MACROD2: variants seen among roughly 807,000 people sequenced by gnomAD.
MACROD2 encodes the protein mono-ADP ribosylhydrolase 2.
A neutral mutation model predicts 70.4 loss-of-function variants in MACROD2; 36 were observed. The ratio of observed to expected loss-of-function variants is 0.51; its 90% confidence interval spans 0.39 to 0.68. The LOEUF is 0.68. MACROD2 is among the 30% of genes least tolerant of loss of function. The probability of loss-of-function intolerance (pLI) is 0.00; values close to 1 mark genes in which losing one functional copy is unlikely to be tolerated. For synonymous variants in MACROD2, 172 were observed against 178.8 expected (o/e 0.96, Z 0.30); for missense variants, 496 against 538.4 (o/e 0.92, Z 0.78).
intron 15 of MACROD2, among the ~76,000 whole-genome samples, chr20:16,024,794 C>T (rs970431788): frequency 1.6e-4 from 25 of 152,210 alleles, no homozygotes; most frequent in African/African-American, 6.0e-4. Context: ...CTGCTTCTAG[C>T]TGCATTATTT....
At chr20:14,707,494 C>A (rs1164074009) in intron 5 of MACROD2, among the ~76,000 whole-genome samples, 1 of 152,098 alleles carries the variant, frequency 6.6e-6, no homozygotes, top group Non-Finnish European at 1.5e-5. Context: ...AGAACAAAAT[C>A]CATTGCTGTC....
intron 3 of MACROD2, among the ~76,000 whole-genome samples, chr20:14,381,606 C>A (rs2122774263): frequency 6.6e-6 from 1 of 152,210 alleles, no homozygotes; most frequent in South Asian, 2.1e-4. Flanking sequence ...AGGAACCATG[C>A]ACATTATAAG....
intron 10 of MACROD2, among the ~76,000 whole-genome samples, chr20:15,922,594 C>CA (rs1382390751): frequency 6.6e-6 from 1 of 152,164 alleles, no homozygotes; most frequent in African/African-American, 2.4e-5. Context: ...ACTGAGACCT[C>CA]AAAAAATACT....
At position 15,386,233 on chromosome 20, in the gene MACROD2, G is replaced by T. The variant is rs544372505; in HGVS notation, c.541-45172G>T. Among the ~76,000 whole-genome samples, 12 of 152,256 alleles carry T rather than the reference G, an allele frequency of 7.9e-5. No individual in the cohort carries two copies. The East Asian group carries it at 2.3e-3, about 29-fold the overall frequency. On this transcript the variant is annotated intron_variant, in intron 6 of 17. Coordinates refer to ENST00000684519, the MANE Select transcript of MACROD2 (RefSeq NM_001351661.2). ...AAAGGCAATAGACTTCACCACCTTT[G>T]CCCTGAGCTATGTTATATCTGCAAG...
At chr20:14,972,509 T>C (rs2074701058) in intron 5 of MACROD2, among the ~76,000 whole-genome samples, 1 of 152,180 alleles carries the variant, frequency 6.6e-6, no homozygotes, top group Non-Finnish European at 1.5e-5. Context: ...CCTTTACATA[T>C]ATTTTACATG....
rs372193609 is a variant in MACROD2, at chr20:15,011,449, T to C, written c.419-218491T>C. 3.9e-5 allele frequency among the ~76,000 whole-genome samples: 6 copies of C among 152,202 alleles called. No homozygotes were observed. The East Asian group carries it at 7.7e-4, about 20-fold the overall frequency. On this transcript the variant is annotated intron_variant, in intron 5 of 17. Coordinates refer to ENST00000684519, the MANE Select transcript of MACROD2 (RefSeq NM_001351661.2). ...TTCCTATATTAATAGCTAAACCCTG[T>C]CCTTATTATCCATTCAGTGTGTATG...
intron 8 of MACROD2, among the ~76,000 whole-genome samples, chr20:15,756,647 A>C (rs2051351987): frequency 6.6e-6 from 1 of 152,156 alleles, no homozygotes; most frequent in African/African-American, 2.4e-5. Flanking sequence ...TCTGAATTTG[A>C]ATAACCAACA....
chr20:14,983,145 G>A (rs2074816981), intron 5 of MACROD2, among the ~76,000 whole-genome samples: 1 of 152,168 alleles, frequency 6.6e-6, no homozygotes, highest in Admixed American at 6.5e-5. Flanking sequence ...CATGGGCCCT[G>A]TAACCCCTTT....
chr20:14,454,682 C>T (rs184414159), intron 3 of MACROD2, among the ~76,000 whole-genome samples: 150 of 151,484 alleles, frequency 9.9e-4, no homozygotes, highest in African/African-American at 3.5e-3. Context: ...AAGCTAAGGC[C>T]CAGAGAAGTT....
At position 15,269,460 on chromosome 20, in the gene MACROD2, A is replaced by G. The variant is rs541415562; in HGVS notation, c.540+39399A>G. On this transcript the variant is annotated intron_variant, in intron 6 of 17. Transcript: ENST00000684519. ...CTGATTATGTCTTGTCCCTAACTGA[A>G]AAATAGAAACTAAATACATTTTGAA... Among the ~76,000 whole-genome samples, 3 of 152,332 alleles carry G rather than the reference A, an allele frequency of 2.0e-5. No individual in the cohort carries two copies. In the South Asian group the frequency reaches 6.2e-4, roughly 32 times the overall value.
chr20:14,317,110 C>T (rs1471490721), intron 3 of MACROD2, among the ~76,000 whole-genome samples: 1 of 152,144 alleles, frequency 6.6e-6, no homozygotes, highest in African/African-American at 2.4e-5. Context: ...AGCTGATTTC[C>T]TATTTGCAAC....
At chr20:15,954,838 C>T (rs531444783) in intron 12 of MACROD2, among the ~76,000 whole-genome samples, 1 of 152,124 alleles carries the variant, frequency 6.6e-6, no homozygotes, top group Admixed American at 6.6e-5. Context: ...AGTTTCTATT[C>T]TAAGAACTGC....
intron 8 of MACROD2, among the ~76,000 whole-genome samples, chr20:15,550,928 C>T (rs548255328): frequency 6.6e-6 from 1 of 152,242 alleles, no homozygotes; most frequent in Non-Finnish European, 1.5e-5. Context: ...CAAGGTATCT[C>T]AATACTGAAG....
chr20:14,748,305 C>A (rs1028794568), intron 5 of MACROD2, among the ~76,000 whole-genome samples: 4 of 152,074 alleles, frequency 2.6e-5, no homozygotes, highest in Non-Finnish European at 5.9e-5. Context: ...TACTCTCTGT[C>A]ACAATTTGAA....
intron 4 of MACROD2, among the ~76,000 whole-genome samples, chr20:14,598,646 G>A (rs1486616637): frequency 6.6e-6 from 1 of 152,140 alleles, no homozygotes; most frequent in Admixed American, 6.5e-5. Flanking sequence ...TTCACTAGGT[G>A]TACTTACTGT....
intron 6 of MACROD2, among the ~76,000 whole-genome samples, chr20:15,283,628 C>A (rs150905895): frequency 5.9e-5 from 9 of 151,892 alleles, no homozygotes; most frequent in African/African-American, 2.2e-4. Flanking sequence ...GCCGAGTTCA[C>A]GCCATTGCAC....
Position 15,257,113 on chromosome 20 carries a change from AAT to A in MACROD2, c.540+27060_540+27061del, listed in dbSNP as rs1274039119. The stretch of plus-strand genomic sequence containing the variant: ...TACTCTGGATTACGGTGTGGATATT[AAT>A]ATATATACTTTTTATCAAGTATAGG... On this transcript the variant is annotated intron_variant, in intron 6 of 17. Coordinates refer to ENST00000684519, the MANE Select transcript of MACROD2 (RefSeq NM_001351661.2). Among the ~76,000 whole-genome samples, 6 of 152,106 alleles carry A rather than the reference AAT, an allele frequency of 3.9e-5. No homozygotes were observed. The East Asian group carries it at 9.7e-4, about 25-fold the overall frequency.
intron 6 of MACROD2, among the ~76,000 whole-genome samples, chr20:15,420,264 A>C (rs1013246794): frequency 2.6e-5 from 4 of 152,274 alleles, no homozygotes; most frequent in Admixed American, 2.6e-4. Context: ...GCCATGTAAT[A>C]GTTTGTTTTA....
chr20:14,820,137 A>C (rs2122204797), intron 5 of MACROD2, among the ~76,000 whole-genome samples: 1 of 152,186 alleles, frequency 6.6e-6, no homozygotes, highest in South Asian at 2.1e-4. Context: ...GAAGGGAGAA[A>C]GCAATAGCAT....
Sources: gnomAD v4.1 joint callset for allele counts (sites outside exome capture counted in the v4.1 genomes callset) on GRCh38, gnomAD v4.1.1 for gene constraint, MANE v1.5 for transcripts, NCBI Gene and HGNC (gene_info 2026-07-23, HGNC 2026-07-21) for gene names.